Variants in SAMD11 observed in about 807,000 individuals in gnomAD.
SAMD11 encodes sterile alpha motif domain-containing protein 11.
A neutral mutation model predicts 64.4 loss-of-function variants in SAMD11; 77 were observed. The ratio of observed to expected loss-of-function variants is 1.20; its 90% CI spans 0.99 to 1.44. SAMD11 has a LOEUF of 1.44. SAMD11 is among the 40% of genes most tolerant of loss of function. The pLI is 0.00. For synonymous variants in SAMD11, 658 were observed against 421.9 expected (o/e 1.56, Z -6.86); for missense variants, 1,402 against 943.3 (o/e 1.49, Z -6.37).
Position 941,269 on chromosome 1 carries a change from G to A in SAMD11, c.1321G>A (p.Gly441Ser), listed in dbSNP as rs752252633. ...GCAGGGCCTGGCTCAGCACCGGGAG[G>A]GCGCCGCCCCAGCTGCCGCCCCGTC... is the stretch of plus-strand genomic sequence containing the variant. ...RKQGLAQHREGAAPAAAPSFS... is the reference protein window; with the variant it reads ...RKQGLAQHRESAAPAAAPSFS... The change falls in exon 8 of 14, where the codon GGC becomes AGC. Residue 441 changes from glycine (G) to serine (S), a missense_variant. Transcript: ENST00000616016. The A allele has an allele frequency of 3.6e-5, 58 of 1,598,688 alleles. No homozygotes were observed. The highest frequency in any genetic ancestry group is 4.9e-5 in the Non-Finnish European group (58 of 1,173,302).
At chr1:936,143 C>G (rs1423586955) in intron 5 of SAMD11, among the ~76,000 whole-genome samples, 11 of 152,220 alleles carry the variant, frequency 7.2e-5, no homozygotes, top group Admixed American at 6.5e-4. Flanking sequence ...CCTGCCACCC[C>G]CTTTCCACAG....
chr1:926,708 C>T (rs976850526), intron 2 of SAMD11, among the ~76,000 whole-genome samples: 4 of 152,108 alleles, frequency 2.6e-5, no homozygotes, highest in African/African-American at 9.7e-5. Context: ...GGCACCTGCA[C>T]CCCCTACCCA....
At chr1:941,051 C>A (rs1436562635) in intron 7 of SAMD11, 93 bp from the exon 8 acceptor site, 2 of 1,209,170 alleles carry the variant, frequency 1.7e-6, no homozygotes, top group South Asian at 1.4e-5. Flanking sequence ...GTGGTGTGGT[C>A]AGTTCCCCAC....
chr1:942,020 C>G (rs1641801887), intron 8 of SAMD11, 116 bp from the exon 9 acceptor site: 2 of 422,972 alleles, frequency 4.7e-6, no homozygotes, highest in South Asian at 5.3e-5. Context: ...CCGTAACGAG[C>G]TGCGCATCGA....
Position 943,957 on chromosome 1 carries a change from C to G in SAMD11, c.2339C>G (p.Ala780Gly), listed in dbSNP as rs561795769. 8.7e-6 allele frequency: 14 copies of G among 1,612,766 alleles called. No individual in the cohort carries two copies. In the African/African-American group the frequency reaches 1.5e-4, roughly 17 times the overall value. ...RVFYVASFPV[A>G]LPLQPPTLRA... is the part of the protein sequence containing the mutation. ...TTCTACGTGGCCAGCTTCCCCGTGGCTCTGCCACTGCAGCCACCAACCCTG... is the reference window on the plus strand; with the variant it reads ...TTCTACGTGGCCAGCTTCCCCGTGGGTCTGCCACTGCAGCCACCAACCCTG... Residue 780 changes from alanine (A) to glycine (G), a missense_variant, in exon 14 of 14, where the codon GCT becomes GGT. Coordinates refer to ENST00000616016, the MANE Select transcript of SAMD11 (RefSeq NM_001385641.1).
At chr1:925,308 G>A (rs60837925) in intron 1 of SAMD11, 90,909 of 151,162 alleles carry the variant, frequency 0.6, 30,478 homozygotes, top group Non-Finnish European at 0.76. Flanking sequence ...CTGGAGGGGC[G>A]CACGTGCGGC....
chr1:929,402 C>G (rs942695415), intron 2 of SAMD11, among the ~76,000 whole-genome samples: 9 of 152,316 alleles, frequency 5.9e-5, no homozygotes, highest in Non-Finnish European at 7.3e-5. Flanking sequence ...GAGGGCTCCT[C>G]GTCTGGTGAC....
At chr1:943,608 G>C in intron 12 of SAMD11, 90 bp from the exon 13 acceptor site, 4 of 1,315,938 alleles carry the variant, frequency 3.0e-6, no homozygotes, top group Non-Finnish European at 4.0e-6. Context: ...AAAAATTTCC[G>C]TGAGCTGCAC....
intron 2 of SAMD11, 59 bp downstream of exon 2, chr1:926,072 G>T (rs757537064): frequency 3.9e-6 from 6 of 1,535,928 alleles, no homozygotes; most frequent in Admixed American, 3.3e-5. Context: ...GCTTGTCCCT[G>T]CGGTTTTCAG....
At chr1:938,267 G>C (rs1641568952) in intron 5 of SAMD11, among the ~76,000 whole-genome samples, 2 of 151,114 alleles carry the variant, frequency 1.3e-5, no homozygotes, top group African/African-American at 4.8e-5. Context: ...GGCTGTGTTT[G>C]GGGCTGAAGC....
At chr1:938,006 C>T (rs1202705323) in intron 5 of SAMD11, among the ~76,000 whole-genome samples, 1 of 152,180 alleles carries the variant, frequency 6.6e-6, no homozygotes, top group East Asian at 1.9e-4. Flanking sequence ...GGTCTTGGGT[C>T]ACAGGGGAGT....
intron 8 of SAMD11, among the ~76,000 whole-genome samples, 186 bp from the exon 9 acceptor site, chr1:941,950 C>T (rs1031606059): frequency 2.6e-5 from 4 of 152,032 alleles, no homozygotes; most frequent in Non-Finnish European, 5.9e-5. Context: ...AGCGCCTCCG[C>T]GCCGCCGCCG....
intron 5 of SAMD11, 53 bp downstream of exon 5, chr1:935,949 C>T (rs1056350959): frequency 7.0e-6 from 11 of 1,577,686 alleles, no homozygotes; most frequent in African/African-American, 6.7e-5. Flanking sequence ...GGCCAGAGGA[C>T]GGTGGCGTCT....
At chr1:928,674 C>T (rs1641024991) in intron 2 of SAMD11, among the ~76,000 whole-genome samples, 1 of 152,266 alleles carries the variant, frequency 6.6e-6, no homozygotes, top group African/African-American at 2.4e-5. Context: ...GGCCCCACCC[C>T]TTGCCCAGCA....
At chr1:941,380 C>G in intron 8 of SAMD11, 74 bp downstream of exon 8, 1 of 1,386,784 alleles carries the variant, frequency 7.2e-7, no homozygotes, top group Admixed American at 2.6e-5. Context: ...GCCACCAGCA[C>G]GCGCCCCGAG....
chr1:932,067 A>G (rs1641192214), intron 4 of SAMD11, among the ~76,000 whole-genome samples: 1 of 152,228 alleles, frequency 6.6e-6, no homozygotes, highest in Non-Finnish European at 1.5e-5. Flanking sequence ...TATGTCTCTG[A>G]GAATGTCTGG....
intron 11 of SAMD11, 81 bp downstream of exon 11, chr1:943,139 A>C: frequency 3.2e-6 from 5 of 1,577,252 alleles, no homozygotes; most frequent in Non-Finnish European, 4.3e-6. Context: ...GGGGGAGGAA[A>C]AATTCCCCTT....
intron 2 of SAMD11, among the ~76,000 whole-genome samples, chr1:928,150 T>C (rs893614705): frequency 2.4e-4 from 36 of 152,128 alleles, no homozygotes; most frequent in African/African-American, 5.3e-4. Flanking sequence ...TCCCAGCACT[T>C]TGGGAGGCCG....
chr1:940,728 G>A (rs895056916), intron 7 of SAMD11, among the ~76,000 whole-genome samples: 39 of 152,354 alleles, frequency 2.6e-4, no homozygotes, highest in Non-Finnish European at 4.9e-4. Context: ...GGCCAGCCGC[G>A]TCTACTATGG....
Sources: gnomAD v4.1 joint callset for allele counts (sites outside exome capture counted in the v4.1 genomes callset) on GRCh38, gnomAD v4.1.1 for gene constraint, MANE v1.5 for transcripts, NCBI Gene and HGNC (gene_info 2026-07-23, HGNC 2026-07-21) for gene names.